The following PRKDC variants were observed in gnomAD, a reference collection of about 807,000 sequenced individuals.
PRKDC encodes DNA-dependent protein kinase catalytic subunit.
In PRKDC, 82 loss-of-function variants were observed where a neutral mutation model predicts 486.9. The ratio of observed to expected loss-of-function variants is 0.17; its 90% confidence interval spans 0.14 to 0.20. The LOEUF is 0.20. Among genes scored for constraint, PRKDC ranks in the 10% least tolerant of loss-of-function variants. The pLI is 1.00. For synonymous variants in PRKDC, 1,895 were observed against 1,837.0 expected, an observed-to-expected ratio of 1.03 and a Z score of -0.81; for missense variants, 4,504 against 5,038.2, an observed-to-expected ratio of 0.89 and a Z score of 3.21.
At chr8:47,882,876 T>C (rs2089251093) in intron 36 of PRKDC, among the ~76,000 whole-genome samples, 1 of 152,268 alleles carries the variant, frequency 6.6e-6, no homozygotes, top group Non-Finnish European at 1.5e-5. Flanking sequence ...GTGTCTGTCA[T>C]TAATTCGTCA....
intron 25 of PRKDC, among the ~76,000 whole-genome samples, chr8:47,909,075 C>T (rs1469996709): frequency 6.6e-6 from 1 of 152,110 alleles, no homozygotes; most frequent in Non-Finnish European, 1.5e-5. Flanking sequence ...TTCCTCATCT[C>T]CCCCCAGCCC....
intron 70 of PRKDC, among the ~76,000 whole-genome samples, chr8:47,801,798 C>G (rs991444696): frequency 4.6e-5 from 7 of 152,098 alleles, no homozygotes; most frequent in Non-Finnish European, 1.5e-5. Context: ...TCCAGAGGTG[C>G]GATAACAGTG....
rs1247517123 is a variant in PRKDC at position 47,939,601 on chromosome 8, T to G, written c.1063A>C (p.Asn355His). The G allele has an allele frequency of 1.2e-6, 2 of 1,613,724 alleles. No homozygotes were observed. Among genetic ancestry groups the G allele is most frequent in the Non-Finnish European group, 8.5e-7 (1 of 1,179,664 alleles). The change falls in exon 11 of 86, where the codon AAC becomes CAC. Residue 355 changes from asparagine to histidine, a missense_variant. Asn to His is a moderately conservative substitution (Grantham distance 68). Around this residue, in one of 6 missense-constraint regions of PRKDC, gnomAD observed 1,969 missense variants for 2,068.9 expected, o/e 0.95. Transcript: ENST00000314191. Reference protein sequence around the residue: ...FYGIIRNVDSNNKELSIAIRG... With the variant: ...FYGIIRNVDSHNKELSIAIRG... Reference sequence around the variant, plus strand: ...ATAGCAATAGATAACTCCTTGTTGTTCGAATCCACATTTCTGATGATTCCA... The same window carrying G: ...ATAGCAATAGATAACTCCTTGTTGTGCGAATCCACATTTCTGATGATTCCA...
At position 47,782,102 on chromosome 8, in the gene PRKDC, G is replaced by A; in HGVS notation, c.11489+60C>T. ...AGCGCGCCTGTCACGGCCCCGACCTGCCACTGGAGAAGTGAGGGGAGGCGA... is the reference window on the plus strand; with the variant it reads ...AGCGCGCCTGTCACGGCCCCGACCTACCACTGGAGAAGTGAGGGGAGGCGA... On this transcript the variant is annotated intron_variant, in intron 80 of 85. Transcript: ENST00000314191. The surrounding 1 kb of genome is among the most constrained non-coding windows in gnomAD (Gnocchi z 4.9). The A allele has an allele frequency of 4.0e-6, 6 of 1,488,420 alleles. No individual in the cohort carries two copies. Among genetic ancestry groups the A allele is most frequent in the East Asian group, 2.3e-5 (1 of 44,216 alleles). The allele number at this position is 1,488,420 out of a possible 1,614,324, so 92.2% of individuals were successfully genotyped here.
chr8:47,917,534 T>C (rs2090005390), intron 22 of PRKDC, among the ~76,000 whole-genome samples: 2 of 152,188 alleles, frequency 1.3e-5, no homozygotes, highest in South Asian at 4.1e-4. Flanking sequence ...ATTTTCTCTA[T>C]TTACGTCATA....
Position 47,830,601 on chromosome 8 carries a change from T to G in PRKDC, c.8397+4A>C, listed in dbSNP as rs754219401. The G allele has an allele frequency of 1.2e-6, 2 of 1,612,784 alleles. No individual in the cohort carries two copies. Among genetic ancestry groups the G allele is most frequent in the Non-Finnish European group, 1.7e-6 (2 of 1,179,294 alleles). ...CAACAGAAAACGCAGCGGCAAAAAC[T>G]GACCTGGGCCACGGCCTGTAACGGG... On this transcript the variant is annotated splice_donor_region_variant and intron_variant, in intron 61 of 85. Coordinates refer to ENST00000314191, the MANE Select transcript of PRKDC (RefSeq NM_006904.7).
At chr8:47,945,576 G>C (rs1269015507) in intron 7 of PRKDC, among the ~76,000 whole-genome samples, 3 of 152,166 alleles carry the variant, frequency 2.0e-5, no homozygotes, top group African/African-American at 7.2e-5. Context: ...GCATGTGTCA[G>C]ACTTTCCTGC....
intron 68 of PRKDC, among the ~76,000 whole-genome samples, 198 bp downstream of exon 68, chr8:47,817,252 C>T (rs2087466752): frequency 6.6e-6 from 1 of 152,132 alleles, no homozygotes; most frequent in African/African-American, 2.4e-5. Context: ...CAGCAGCGTC[C>T]CCACAGGGCA....
At chr8:47,940,475 T>C (rs2090426039) in intron 10 of PRKDC, among the ~76,000 whole-genome samples, 1 of 152,124 alleles carries the variant, frequency 6.6e-6, no homozygotes, top group Non-Finnish European at 1.5e-5. Flanking sequence ...TCCATACACT[T>C]CCCAATCCCC....
intron 67 of PRKDC, among the ~76,000 whole-genome samples, chr8:47,818,957 C>T (rs1234919720): frequency 6.6e-6 from 1 of 152,228 alleles, no homozygotes; most frequent in African/African-American, 2.4e-5. Context: ...CTGCTGCCCG[C>T]AGCCTTCCTG....
intron 58 of PRKDC, among the ~76,000 whole-genome samples, chr8:47,835,267 T>TACATAC (rs2087988914): frequency 6.6e-6 from 1 of 152,196 alleles, no homozygotes; most frequent in Admixed American, 6.5e-5. Context: ...TTAAATTTGC[T>TACATAC]ACACTATGTT....
intron 40 of PRKDC, 86 bp downstream of exon 40, chr8:47,877,638 C>T: frequency 7.7e-7 from 1 of 1,306,426 alleles, no homozygotes; most frequent in Middle Eastern, 2.0e-4. Flanking sequence ...AATTGCCACT[C>T]AGCTTTTTTT....
intron 46 of PRKDC, 121 bp from the exon 47 acceptor site, chr8:47,859,107 A>ATTATTACCAGATTATCATT: frequency 9.4e-7 from 1 of 1,060,574 alleles, no homozygotes; most frequent in Non-Finnish European, 1.4e-6. Flanking sequence ...TAATAATGAT[A>ATTATTACCAGATTATCATT]ATCTGGTAAT....
chr8:47,931,291 C>A (rs1313256031), intron 16 of PRKDC, among the ~76,000 whole-genome samples: 3 of 152,182 alleles, frequency 2.0e-5, no homozygotes, highest in Non-Finnish European at 2.9e-5. Context: ...GTTAGAAATA[C>A]AGAGCAGGAA....
At chr8:47,942,726 G>A (rs1038516317) in intron 10 of PRKDC, among the ~76,000 whole-genome samples, 1 of 152,176 alleles carries the variant, frequency 6.6e-6, no homozygotes, top group Non-Finnish European at 1.5e-5. Context: ...TGACAAGCAC[G>A]GTCTCCTCAG....
chr8:47,893,771 C>T (rs920307168), intron 30 of PRKDC, among the ~76,000 whole-genome samples: 29 of 152,296 alleles, frequency 1.9e-4, no homozygotes, highest in African/African-American at 6.0e-4. Context: ...CTTAGAATAA[C>T]GTCTACCACA....
chr8:47,853,932 G>GTT (rs1179147248), intron 51 of PRKDC, 151 bp downstream of exon 51: 3 of 1,014,076 alleles, frequency 3.0e-6, no homozygotes, highest in Non-Finnish European at 4.3e-6. Context: ...TCTCAAACGT[G>GTT]TTAGAATTAC....
At chr8:47,951,672 C>T (rs566998994) in intron 7 of PRKDC, among the ~76,000 whole-genome samples, 155 of 151,474 alleles carry the variant, frequency 1.0e-3, no homozygotes, top group Non-Finnish European at 2.0e-3. Flanking sequence ...CATGTTTGAG[C>T]CACTGCTCTC....
chr8:47,834,386 GCTT>G lies in PRKDC; in HGVS notation c.7959_7961del (p.Arg2653del). 6.2e-7 allele frequency: 1 copy of G among 1,613,332 alleles called. No homozygotes were observed. Among genetic ancestry groups the G allele is most frequent in the Non-Finnish European group, 8.5e-7 (1 of 1,179,816 alleles). On this transcript the variant is annotated inframe_deletion, in exon 59 of 86. Transcript: ENST00000314191. Reference sequence around the variant, plus strand: ...TGCTCCCGGTCAGCCAATCAAATGAGCTTCTTCCATCTGTGACATGCAATCAGA... The same window carrying G: ...TGCTCCCGGTCAGCCAATCAAATGAGCTTCCATCTGTGACATGCAATCAGA...
Sources: allele counts gnomAD v4.1 joint callset (sites outside exome capture counted in the v4.1 genomes callset), GRCh38; gene constraint gnomAD v4.1.1; regional missense constraint gnomAD v4.1.1; non-coding constraint Gnocchi (gnomAD v3.1); transcripts MANE v1.5; gene names NCBI Gene and HGNC (gene_info 2026-07-23, HGNC 2026-07-21).